PLEKHB2: variants seen among roughly 807,000 people sequenced by gnomAD.
The protein encoded by PLEKHB2 is pleckstrin homology domain-containing family B member 2.
Under a neutral mutation model 36.5 loss-of-function variants are expected in PLEKHB2, and 31 were observed. The ratio of observed to expected loss-of-function variants is 0.85; its 90% CI spans 0.64 to 1.15. PLEKHB2 has a LOEUF of 1.15. PLEKHB2 is among the 50% of genes most tolerant of loss of function. The pLI, the probability that PLEKHB2 is intolerant of heterozygous loss-of-function variation, is 0.00. For synonymous variants in PLEKHB2, 119 were observed against 112.0 expected, an observed-to-expected ratio of 1.06 and a Z score of -0.39; for missense variants, 262 against 295.3, an observed-to-expected ratio of 0.89 and a Z score of 0.83.
In PLEKHB2 at chr2:131,149,660, C is replaced by T. The variant is rs542808880; in HGVS notation, c.*2887C>T. 81 of 152,300 alleles carry T rather than the reference C, an allele frequency of 5.3e-4. No homozygotes were observed. The highest frequency in any genetic ancestry group is 1.7e-3 in the African/African-American group (69 of 41,564). The allele number at this position is 152,300 out of a possible 1,614,324, so 9.4% of individuals were successfully genotyped here. A position where few individuals can be genotyped will look rare whatever the true frequency, so the allele number is the denominator to read the frequency against. On this transcript the variant is annotated 3_prime_UTR_variant, in exon 8 of 8. Transcript: ENST00000693505. ...CTGTGTAATATTTCTTTTTCCTTCC[C>T]TAGTGTATGTAGATACAAGGCATGG... is the stretch of plus-strand genomic sequence containing the variant.
rs1222264008 is a variant in PLEKHB2, at chr2:131,147,300, C to T, written c.*527C>T. The T allele has an allele frequency of 6.6e-6, 1 of 152,280 alleles. No individual in the cohort carries two copies. Among genetic ancestry groups the T allele is most frequent in the Non-Finnish European group, 1.5e-5 (1 of 68,088 alleles). The allele number at this position is 152,280 out of a possible 1,614,324, so 9.4% of individuals were successfully genotyped here. On this transcript the variant is annotated 3_prime_UTR_variant, in exon 8 of 8. Transcript: ENST00000693505. ...AGCCCCCGTCCTGCCCTCTGGGGCT[C>T]CACAGGCCCCTGGCAAGGCCGATGG...
intron 1 of PLEKHB2, among the ~76,000 whole-genome samples, chr2:131,114,858 GTCT>G (rs1452418206): frequency 1.3e-5 from 2 of 152,138 alleles, no homozygotes; most frequent in Non-Finnish European, 2.9e-5. Context: ...ACATCTTTCT[GTCT>G]TCTTCTGAGC....
chr2:131,115,386 G>A (rs1219323539), intron 1 of PLEKHB2, among the ~76,000 whole-genome samples: 2 of 119,258 alleles, frequency 1.7e-5, no homozygotes, highest in Non-Finnish European at 3.2e-5. Context: ...ATGGAGTCTG[G>A]CTCTTTTGCC....
chr2:131,123,774 CACCCCCCCCCCCG>C (rs1696793824), intron 2 of PLEKHB2, among the ~76,000 whole-genome samples: 1 of 33,994 alleles, frequency 2.9e-5, no homozygotes, highest in African/African-American at 1.5e-4. Context: ...CCACCCCCCC[CACCCCCCCCCCCG>C]CCCCCCGCCC....
intron 1 of PLEKHB2, among the ~76,000 whole-genome samples, chr2:131,105,775 C>G (rs572162107): frequency 6.6e-6 from 1 of 152,178 alleles, no homozygotes. Context: ...CCGACTGCAG[C>G]CTCCGCCTTG....
intron 1 of PLEKHB2, among the ~76,000 whole-genome samples, chr2:131,115,795 C>G (rs1389051797): frequency 6.6e-6 from 1 of 152,128 alleles, no homozygotes; most frequent in African/African-American, 2.4e-5. Context: ...ACAATTTAGC[C>G]ATTAGATTCT....
intron 6 of PLEKHB2, among the ~76,000 whole-genome samples, chr2:131,134,255 C>T (rs549970022): frequency 3.9e-5 from 6 of 152,130 alleles, no homozygotes; most frequent in East Asian, 3.9e-4. Flanking sequence ...GGCACGATCT[C>T]GGCTCACCAC....
At chr2:131,120,059 C>T (rs1006357978) in intron 1 of PLEKHB2, among the ~76,000 whole-genome samples, 1 of 151,462 alleles carries the variant, frequency 6.6e-6, no homozygotes, top group Non-Finnish European at 1.5e-5. Context: ...TCCTCTGCCT[C>T]CTGGGTTCAA....
At chr2:131,108,628 A>G (rs982437490) in intron 1 of PLEKHB2, among the ~76,000 whole-genome samples, 5 of 152,266 alleles carry the variant, frequency 3.3e-5, no homozygotes, top group African/African-American at 1.2e-4. Context: ...GCACTAAAAA[A>G]TAAAATTGCA....
intron 7 of PLEKHB2, chr2:131,144,265 C>T (rs1699070824): frequency 2.8e-6 from 1 of 363,254 alleles, no homozygotes; most frequent in South Asian, 1.5e-4. Context: ...TGAGAAAGTA[C>T]AGAGTACTGT....
At chr2:131,120,147 A>G (rs1696339198) in intron 1 of PLEKHB2, 1 of 152,102 alleles carries the variant, frequency 6.6e-6, no homozygotes, top group Non-Finnish European at 1.5e-5. Flanking sequence ...TTATATTTTT[A>G]GTAGAGACGG....
intron 4 of PLEKHB2, 45 bp downstream of exon 4, chr2:131,126,831 A>C: frequency 8.8e-7 from 1 of 1,130,012 alleles, no homozygotes; most frequent in Non-Finnish European, 1.3e-6. Flanking sequence ...AGTATTTTCT[A>C]TTTTAACTTC....
At chr2:131,130,669 T>A in intron 4 of PLEKHB2, 52 bp from the exon 5 acceptor site, 1 of 1,306,596 alleles carries the variant, frequency 7.7e-7, no homozygotes, top group South Asian at 1.2e-5. Context: ...GGTTTCAGAA[T>A]CATTGCAATG....
chr2:131,116,299 C>T (rs1695865051), intron 1 of PLEKHB2, among the ~76,000 whole-genome samples: 1 of 152,164 alleles, frequency 6.6e-6, no homozygotes, highest in Admixed American at 6.6e-5. Context: ...CCTTGAGACT[C>T]AACTGCCTGA....
chr2:131,142,277 GTTAT>G (rs1229182611), intron 7 of PLEKHB2, among the ~76,000 whole-genome samples: 1 of 152,198 alleles, frequency 6.6e-6, no homozygotes, highest in Non-Finnish European at 1.5e-5. Flanking sequence ...ATGAAACAGT[GTTAT>G]TTGAGGACCT....
In PLEKHB2 at chr2:131,113,244, G is replaced by A. The variant is rs113744240; in HGVS notation, c.-8-7690G>A. Among the ~76,000 whole-genome samples the A allele has an allele frequency of 5.8e-3, 880 of 152,152 alleles. 9 individuals carry two copies. The highest frequency in any genetic ancestry group is 0.019 in the African/African-American group (800 of 41,490). On this transcript the variant is annotated intron_variant, in intron 1 of 7. Transcript: ENST00000693505. ...CTACAGGTGTGTGCCACCATGCCCC[G>A]CTGATTTTTGTATGGATGAGGTTTC...
intron 4 of PLEKHB2, among the ~76,000 whole-genome samples, chr2:131,129,834 G>T (rs942470092): frequency 2.6e-5 from 4 of 152,062 alleles, no homozygotes; most frequent in Non-Finnish European, 4.4e-5. Context: ...TGATACTTAA[G>T]GTTCAGATAT....
Position 131,116,917 on chromosome 2 carries a change from G to A in PLEKHB2, c.-8-4017G>A, listed in dbSNP as rs139971386. ...AAAGCAGGCAGATCACTTGAGGTCAGGAGTTTGAGACCATCCTGGCCAACA... is the reference window on the plus strand; with the variant it reads ...AAAGCAGGCAGATCACTTGAGGTCAAGAGTTTGAGACCATCCTGGCCAACA... On this transcript the variant is annotated intron_variant, in intron 1 of 7. Transcript: ENST00000693505. Among the ~76,000 whole-genome samples, 139 of 152,266 alleles carry A rather than the reference G, an allele frequency of 9.1e-4. 1 individual carries two copies. The East Asian group carries it at 0.024, about 27-fold the overall frequency.
At chr2:131,122,878 G>T (rs144342125) in intron 2 of PLEKHB2, among the ~76,000 whole-genome samples, 13 of 152,126 alleles carry the variant, frequency 8.5e-5, no homozygotes. Context: ...TGGGTTTTGC[G>T]GTCTCAACGT....
Sources: allele counts gnomAD v4.1 joint callset (sites outside exome capture counted in the v4.1 genomes callset), GRCh38; gene constraint gnomAD v4.1.1; transcripts MANE v1.5; gene names NCBI Gene and HGNC (gene_info 2026-07-23, HGNC 2026-07-21).